The following ZNF831 variants were observed in gnomAD, a reference collection of about 807,000 sequenced individuals.
ZNF831 encodes zinc finger protein 831, also known as chromosome 20 open reading frame 174.
ZNF831 carries 59 observed loss-of-function variants against 95.8 expected under a neutral mutation model. The observed-to-expected ratio is 0.62, with a 90% CI of 0.50 to 0.77. The LOEUF (loss-of-function observed/expected upper bound fraction) is 0.77, where lower values mean the gene tolerates loss of function less well. Among genes scored for constraint, ZNF831 ranks in the 30% least tolerant of loss-of-function variants. The probability of loss-of-function intolerance (pLI) is 0.00; values close to 1 mark genes in which losing one functional copy is unlikely to be tolerated. For missense variants in ZNF831, 2,205 were observed against 2,164.0 expected, an observed-to-expected ratio of 1.02 and a Z score of -0.38; for synonymous variants, 961 against 925.5, an observed-to-expected ratio of 1.04 and a Z score of -0.70.
chr20:59,205,541 A>G (rs1568768180), intron 3 of ZNF831, among the ~76,000 whole-genome samples: 2 of 152,246 alleles, frequency 1.3e-5, no homozygotes, highest in African/African-American at 2.4e-5. Context: ...TGTTGCTGCC[A>G]GGAAAAACCA....
intron 4 of ZNF831, among the ~76,000 whole-genome samples, chr20:59,209,526 T>A (rs1452463161): frequency 6.6e-6 from 1 of 152,162 alleles, no homozygotes; most frequent in Non-Finnish European, 1.5e-5. Context: ...AGAGTGTAGG[T>A]GGGCTGGGCA....
chr20:59,136,351 C>G (rs966021472), intron 1 of ZNF831, among the ~76,000 whole-genome samples: 33 of 152,302 alleles, frequency 2.2e-4, no homozygotes, highest in African/African-American at 7.5e-4. Flanking sequence ...TTAAAGTGAG[C>G]TAATTTGTAA....
At chr20:59,132,289 CTTTTTT>C (rs11477187) in intron 1 of ZNF831, among the ~76,000 whole-genome samples, 1 of 116,560 alleles carries the variant, frequency 8.6e-6, no homozygotes, top group African/African-American at 2.9e-5. Flanking sequence ...AGGTTTAACT[CTTTTTT>C]TTTTTTTTTT....
intron 1 of ZNF831, among the ~76,000 whole-genome samples, chr20:59,136,098 A>G (rs1229223525): frequency 6.6e-6 from 1 of 152,162 alleles, no homozygotes; most frequent in Non-Finnish European, 1.5e-5. Flanking sequence ...CTGTTTTCTT[A>G]CTAACTGTGG....
At chr20:59,157,522 G>A (rs151173479) in intron 2 of ZNF831, among the ~76,000 whole-genome samples, 4 of 152,290 alleles carry the variant, frequency 2.6e-5, no homozygotes, top group East Asian at 1.9e-4. Flanking sequence ...AGGATAGACA[G>A]TGAGAAATAA....
chr20:59,144,548 G>T (rs1339300047), intron 1 of ZNF831, among the ~76,000 whole-genome samples: 1 of 152,192 alleles, frequency 6.6e-6, no homozygotes, highest in Non-Finnish European at 1.5e-5. Context: ...AATCACTGTT[G>T]GTTGAGAACA....
At chr20:59,221,852 C>G (rs1406028828) in intron 4 of ZNF831, among the ~76,000 whole-genome samples, 1 of 152,264 alleles carries the variant, frequency 6.6e-6, no homozygotes, top group Non-Finnish European at 1.5e-5. Flanking sequence ...CCTGGCGTGC[C>G]GGGAACGGAC....
chr20:59,201,913 A>G (rs1984557971), intron 3 of ZNF831, among the ~76,000 whole-genome samples: 1 of 152,240 alleles, frequency 6.6e-6, no homozygotes, highest in African/African-American at 2.4e-5. Flanking sequence ...TACAGGCTCA[A>G]AGGAAATTCA....
At chr20:59,173,600 T>G (rs1803101965) in intron 1 of ZNF831, among the ~76,000 whole-genome samples, 1 of 152,174 alleles carries the variant, frequency 6.6e-6, no homozygotes, top group South Asian at 2.1e-4. Context: ...TGACCACAGG[T>G]GATGGCTTTA....
At chr20:59,244,533 A>G (rs1987497893) in intron 4 of ZNF831, among the ~76,000 whole-genome samples, 1 of 152,324 alleles carries the variant, frequency 6.6e-6, no homozygotes, top group South Asian at 2.1e-4. Flanking sequence ...TTTCCAACTG[A>G]TAACGCAATA....
Position 59,192,339 on chromosome 20 carries a change from C to T in ZNF831, c.1320C>T (p.Ile440=), listed in dbSNP as rs1601368266. The change falls in exon 2 of 6, where the codon ATC becomes ATT. Residue 440 remains isoleucine, a synonymous_variant. Coordinates refer to ENST00000371030, the MANE Select transcript of ZNF831 (RefSeq NM_178457.3). This position sits in a 1 kb window ranked among gnomAD's most constrained non-coding sequence, Gnocchi z 5.2. ...CCGGGCTGTCCAAACAGGGCAGCAT[C>T]GACCTGCCCACGCCCTACACCTACA... ...RKTGLSKQGS[I]DLPTPYTYKD... The T allele has an allele frequency of 6.2e-7, 1 of 1,606,612 alleles. No individual in the cohort carries two copies. Among genetic ancestry groups the T allele is most frequent in the East Asian group, 2.2e-5 (1 of 44,802 alleles).
chr20:59,128,520 A>T (rs555628993), intron 1 of ZNF831, among the ~76,000 whole-genome samples: 2 of 152,324 alleles, frequency 1.3e-5, no homozygotes, highest in African/African-American at 4.8e-5. Context: ...ATGGTCCAGG[A>T]GGCAGCATGG....
In ZNF831 at chr20:59,191,148, G is replaced by C; in HGVS notation, c.129G>C (p.Pro43=). ...TGACCCTGGGCCCTGTCCTTCTGCC[G>C]CCAGAGCAGGGCCTGGCCCCCCCCA... ...PHLTLGPVLL[P]PEQGLAPPTV... Residue 43 remains proline, a synonymous_variant, in exon 2 of 6, where the codon CCG becomes CCC. Transcript: ENST00000371030. 5.6e-6 allele frequency: 9 copies of C among 1,600,924 alleles called. No homozygotes were observed. The highest frequency in any genetic ancestry group is 7.6e-6 in the Non-Finnish European group (9 of 1,177,812).
rs78666820 is a variant in ZNF831 at position 59,235,242 on chromosome 20, A to G, written c.4028-17736A>G. Among the ~76,000 whole-genome samples the G allele has an allele frequency of 7.0e-3, 1,066 of 152,272 alleles. 16 individuals carry two copies. The highest frequency in any genetic ancestry group is 0.025 in the African/African-American group (1,040 of 41,538). The stretch of plus-strand genomic sequence containing the variant: ...CACAGCCAGGGTCCCCGCTGCCAAC[A>G]TGATGTTTCCCTGTTGTGATGCTGA... On this transcript the variant is annotated intron_variant, in intron 4 of 5. Coordinates refer to ENST00000371030, the MANE Select transcript of ZNF831 (RefSeq NM_178457.3).
At chr20:59,149,885 T>C (rs1215244972) in intron 2 of ZNF831, among the ~76,000 whole-genome samples, 2 of 152,254 alleles carry the variant, frequency 1.3e-5, no homozygotes, top group Admixed American at 1.3e-4. Flanking sequence ...AGGGGGGCTG[T>C]CGTCCCACAC....
intron 4 of ZNF831, among the ~76,000 whole-genome samples, chr20:59,229,971 A>T (rs1986637386): frequency 6.6e-6 from 1 of 152,120 alleles, no homozygotes; most frequent in African/African-American, 2.4e-5. Flanking sequence ...ACTAAACATC[A>T]CTGGAGTCTT....
At chr20:59,145,002 A>G (rs1010887191) in intron 1 of ZNF831, among the ~76,000 whole-genome samples, 5 of 152,140 alleles carry the variant, frequency 3.3e-5, no homozygotes, top group Non-Finnish European at 5.9e-5. Context: ...AGCAGTGAGG[A>G]GTAGACCTGC....
intron 4 of ZNF831, among the ~76,000 whole-genome samples, chr20:59,223,851 C>T (rs1409820639): frequency 6.6e-6 from 1 of 151,854 alleles, no homozygotes; most frequent in African/African-American, 2.4e-5. Flanking sequence ...CGTGCACTTG[C>T]ACACATACCC....
At position 59,191,346 on chromosome 20, in the gene ZNF831, G is replaced by A. The variant is rs1983501398; in HGVS notation, c.327G>A (p.Ala109=). 1.2e-6 allele frequency: 2 copies of A among 1,606,900 alleles called. No individual in the cohort carries two copies. Among genetic ancestry groups the A allele is most frequent in the Non-Finnish European group, 1.7e-6 (2 of 1,176,690 alleles). Residue 109 remains alanine (A), a synonymous_variant, in exon 2 of 6, where the codon GCG becomes GCA. Transcript: ENST00000371030. ...GCCCCACCCAGGTGGGGAAGCCGGC[G>A]GCCCCTACGCTGACGGTGAACATCG... ...GPGPTQVGKP[A]APTLTVNIVG... is the part of the protein sequence containing the mutation.
Sources: allele counts gnomAD v4.1 joint callset (sites outside exome capture counted in the v4.1 genomes callset), GRCh38; gene constraint gnomAD v4.1.1; non-coding constraint Gnocchi (gnomAD v3.1); transcripts MANE v1.5; gene names NCBI Gene and HGNC (gene_info 2026-07-23, HGNC 2026-07-21).